The following PTPRK variants were observed in gnomAD, a reference collection of about 807,000 sequenced individuals.
The protein encoded by PTPRK is protein tyrosine phosphatase receptor type K.
In PTPRK, 75 loss-of-function variants were observed where a neutral mutation model predicts 178.0. The ratio of observed to expected loss-of-function variants is 0.42; its 90% CI spans 0.35 to 0.51. The LOEUF is 0.51. PTPRK is among the 20% of genes least tolerant of loss of function. The probability of loss-of-function intolerance (pLI) is 0.02; values close to 1 mark genes in which losing one functional copy is unlikely to be tolerated. For missense variants in PTPRK, 1,441 were observed against 1,797.8 expected (o/e 0.80, Z 3.59); for synonymous variants, 637 against 620.6 (o/e 1.03, Z -0.39).
chr6:128,191,902 G>C (rs1194466868), intron 6 of PTPRK, among the ~76,000 whole-genome samples: 1 of 152,150 alleles, frequency 6.6e-6, no homozygotes, highest in Non-Finnish European at 1.5e-5. Flanking sequence ...GAGGAGGAGA[G>C]TGCAAGCTCT....
chr6:128,359,340 T>G (rs189463503), intron 2 of PTPRK, among the ~76,000 whole-genome samples: 66 of 152,282 alleles, frequency 4.3e-4, no homozygotes, highest in Non-Finnish European at 3.5e-4. Flanking sequence ...TATCTTTGAG[T>G]ATAACAAAGT....
rs528751213 is a variant in PTPRK at position 128,336,844 on chromosome 6, C to T, written c.224-14534G>A. The stretch of plus-strand genomic sequence containing the variant: ...AGTGATTGCTTCAGTGATGGTGACA[C>T]ACATTCACCAGTAACAACACAATTC... On this transcript the variant is annotated intron_variant, in intron 2 of 29. Coordinates refer to ENST00000368226, the MANE Select transcript of PTPRK (RefSeq NM_002844.4). Among the ~76,000 whole-genome samples, 21 of 152,286 alleles carry T rather than the reference C, an allele frequency of 1.4e-4. 1 individual carries two copies. In the South Asian group the frequency reaches 4.1e-3, roughly 30 times the overall value.
chr6:127,989,406 A>T (rs1239411977), intron 21 of PTPRK, among the ~76,000 whole-genome samples: 1 of 151,836 alleles, frequency 6.6e-6, no homozygotes, highest in Non-Finnish European at 1.5e-5. Flanking sequence ...ATTTTGCCTA[A>T]TTTTTTCATG....
chr6:128,070,808 C>T (rs772195928), intron 11 of PTPRK, among the ~76,000 whole-genome samples: 17 of 151,524 alleles, frequency 1.1e-4, no homozygotes, highest in African/African-American at 2.4e-4. Flanking sequence ...CTTACTTAAA[C>T]GCCCATTATC....
chr6:128,003,733 G>C (rs1022227863), intron 15 of PTPRK, among the ~76,000 whole-genome samples: 7 of 151,668 alleles, frequency 4.6e-5, no homozygotes, highest in African/African-American at 1.7e-4. Context: ...AACCTTAATT[G>C]ATTAAATATT....
At chr6:128,362,063 C>G (rs1471868301) in intron 2 of PTPRK, among the ~76,000 whole-genome samples, 1 of 152,064 alleles carries the variant, frequency 6.6e-6, no homozygotes, top group Non-Finnish European at 1.5e-5. Context: ...AAAGAAATAC[C>G]TGAATCTGGG....
chr6:128,270,994 G>A (rs1819723839), intron 3 of PTPRK, among the ~76,000 whole-genome samples: 1 of 151,962 alleles, frequency 6.6e-6, no homozygotes, highest in Non-Finnish European at 1.5e-5. Context: ...TACTTCGACT[G>A]TCCACTTTGG....
intron 3 of PTPRK, among the ~76,000 whole-genome samples, chr6:128,290,523 G>C (rs1156477004): frequency 6.6e-6 from 1 of 151,914 alleles, no homozygotes; most frequent in Non-Finnish European, 1.5e-5. Context: ...GGGGCTCAGA[G>C]ATTTCAGTTT....
chr6:127,993,063 A>T (rs1776780330), intron 18 of PTPRK, among the ~76,000 whole-genome samples: 1 of 151,658 alleles, frequency 6.6e-6, no homozygotes, highest in Non-Finnish European at 1.5e-5. Context: ...ATTAATTCTC[A>T]TTTTATCATC....
At chr6:128,484,285 A>G (rs903492026) in intron 1 of PTPRK, among the ~76,000 whole-genome samples, 10 of 152,158 alleles carry the variant, frequency 6.6e-5, no homozygotes, top group Admixed American at 3.9e-4. Context: ...TTTCAGTACC[A>G]CCAACCCTTC....
intron 3 of PTPRK, among the ~76,000 whole-genome samples, chr6:128,278,001 G>A (rs1452490590): frequency 6.6e-6 from 1 of 152,032 alleles, no homozygotes; most frequent in Non-Finnish European, 1.5e-5. Flanking sequence ...ACAAATCAGT[G>A]TTTCCAAATT....
At chr6:128,297,373 A>G (rs1824655667) in intron 3 of PTPRK, among the ~76,000 whole-genome samples, 1 of 152,318 alleles carries the variant, frequency 6.6e-6, no homozygotes, top group South Asian at 2.1e-4. Context: ...CACTAGGCAG[A>G]CCTAACAGAC....
intron 7 of PTPRK, among the ~76,000 whole-genome samples, chr6:128,098,271 G>A (rs1405338723): frequency 6.6e-6 from 1 of 152,082 alleles, no homozygotes; most frequent in Non-Finnish European, 1.5e-5. Flanking sequence ...TGTTTGCCAT[G>A]TGACTTTGCA....
At position 127,982,820 on chromosome 6, in the gene PTPRK, A is replaced by G. The variant is rs771801655; in HGVS notation, c.3537+11T>C. 1.9e-6 allele frequency: 3 copies of G among 1,596,662 alleles called. No homozygotes were observed. The East Asian group carries it at 6.7e-5, about 36-fold the overall frequency. ...GTAAGTCACAAAAGAGGTTTTAGAA[A>G]TAGTTAATACCTGAAATTCATCCTT... On this transcript the variant is annotated intron_variant, in intron 24 of 29. Transcript: ENST00000368226.
rs780380597 is a variant in PTPRK at position 128,082,489 on chromosome 6, C to A, written c.1725G>T (p.Thr575=). ...CTGTGGCTGGACCAAAGCCTTTGAC[C>A]GTGCTGGCTCTTATGAAAAACTGGT... ...TTYQFFIRAS[T]VKGFGPATAI... The change falls in exon 10 of 30, where the codon ACG becomes ACT. Residue 575 remains threonine (T), a synonymous_variant. Transcript: ENST00000368226. The A allele has an allele frequency of 1.2e-6, 2 of 1,613,396 alleles. No individual in the cohort carries two copies. Among genetic ancestry groups the A allele is most frequent in the Non-Finnish European group, 1.7e-6 (2 of 1,179,548 alleles).
At chr6:128,052,762 C>T (rs1275148077) in intron 13 of PTPRK, among the ~76,000 whole-genome samples, 1 of 152,120 alleles carries the variant, frequency 6.6e-6, no homozygotes, top group African/African-American at 2.4e-5. Context: ...TATGTAAATA[C>T]CTGGTTTCTC....
intron 7 of PTPRK, among the ~76,000 whole-genome samples, chr6:128,130,355 C>T (rs779102438): frequency 2.6e-5 from 4 of 152,166 alleles, no homozygotes; most frequent in Non-Finnish European, 4.4e-5. Flanking sequence ...ACGAGACATA[C>T]TTTGTTGCCC....
intron 1 of PTPRK, among the ~76,000 whole-genome samples, chr6:128,423,023 T>C (rs1843681869): frequency 6.6e-6 from 1 of 152,244 alleles, no homozygotes; most frequent in Admixed American, 6.5e-5. Context: ...AGAAACTATT[T>C]GTAATTTTAG....
chr6:128,335,334 A>T (rs1323397173), intron 2 of PTPRK, among the ~76,000 whole-genome samples: 3 of 151,996 alleles, frequency 2.0e-5, no homozygotes, highest in Admixed American at 6.6e-5. Flanking sequence ...TTTTTTATTT[A>T]CAAAGTACTA....
Sources: gnomAD v4.1 joint callset for allele counts (sites outside exome capture counted in the v4.1 genomes callset) on GRCh38, gnomAD v4.1.1 for gene constraint, MANE v1.5 for transcripts, NCBI Gene and HGNC (gene_info 2026-07-23, HGNC 2026-07-21) for gene names.